The following PRKAR1B variants were observed in gnomAD, a reference collection of about 807,000 sequenced individuals.
PRKAR1B encodes the protein protein kinase cAMP-dependent type I regulatory subunit beta, also known as cAMP-dependent protein kinase type I-beta regulatory subunit.
A neutral mutation model predicts 46.5 loss-of-function variants in PRKAR1B; 22 were observed. That is an observed-to-expected ratio of 0.47 (90% confidence interval 0.34 to 0.68). The LOEUF (loss-of-function observed/expected upper bound fraction) is 0.68. Ranked by LOEUF, PRKAR1B falls within the 30% of genes least tolerant of loss-of-function variation. The pLI, the probability that PRKAR1B is intolerant of heterozygous loss-of-function variation, is 0.01. For missense variants in PRKAR1B, 445 were observed against 535.6 expected (o/e 0.83, Z 1.67); for synonymous variants, 259 against 217.7 (o/e 1.19, Z -1.67).
chr7:691,632 A>C, intron 2 of PRKAR1B: 1 of 1,302,698 alleles, frequency 7.7e-7, no homozygotes, highest in African/African-American at 1.5e-5. Context: ...GCTGAATGGC[A>C]TGTGGCCTCC....
At chr7:583,272 G>A (rs1310967636) in intron 8 of PRKAR1B, among the ~76,000 whole-genome samples, 9 of 152,250 alleles carry the variant, frequency 5.9e-5, no homozygotes, top group South Asian at 2.1e-4. Flanking sequence ...TTCACAGAAG[G>A]ATTTCAGAGA....
At position 667,149 on chromosome 7, in the gene PRKAR1B, G is replaced by A. The variant is rs1176098105; in HGVS notation, c.440+10080C>T. Among the ~76,000 whole-genome samples, 2 of 116,712 alleles carry A rather than the reference G, an allele frequency of 1.7e-5. No homozygotes were observed. Among genetic ancestry groups the A allele is most frequent in the African/African-American group, 9.7e-5 (2 of 20,580 alleles). 76.6% of individuals were successfully genotyped at this position (116,712 alleles called of 152,430 possible). On this transcript the variant is annotated intron_variant, in intron 4 of 10. Coordinates refer to ENST00000537384, the MANE Select transcript of PRKAR1B (RefSeq NM_001164760.2). The surrounding 1 kb of genome is among the most constrained non-coding windows in gnomAD (Gnocchi z 4.3). ...GGTGATGAGGATGGTGGTGGTGATG[G>A]TGATGATAATGATGGTGATGATGAC...
intron 2 of PRKAR1B, 119 bp from the exon 3 acceptor site, chr7:680,845 C>T: frequency 3.4e-6 from 4 of 1,190,446 alleles, no homozygotes; most frequent in East Asian, 5.2e-5. Flanking sequence ...CGCTTGAACT[C>T]AGGAGTTGGA....
intron 4 of PRKAR1B, among the ~76,000 whole-genome samples, chr7:662,062 C>T (rs1785609495): frequency 1.1e-5 from 1 of 89,190 alleles, no homozygotes; most frequent in African/African-American, 4.7e-5. Flanking sequence ...GCACAGGTCC[C>T]CACCCCAACG....
rs963621247 is a variant in PRKAR1B, at chr7:672,442, G to A, written c.440+4787C>T. Reference sequence around the variant, plus strand: ...GTTGGGATTACAGGCATGAGCCACCGCACCCGGCCTTGTTGAACCAATTTT... The same window carrying A: ...GTTGGGATTACAGGCATGAGCCACCACACCCGGCCTTGTTGAACCAATTTT... On this transcript the variant is annotated intron_variant, in intron 4 of 10. Coordinates refer to ENST00000537384, the MANE Select transcript of PRKAR1B (RefSeq NM_001164760.2). Among the ~76,000 whole-genome samples the A allele has an allele frequency of 5.9e-5, 9 of 151,870 alleles. No individual in the cohort carries two copies. In the South Asian group the frequency reaches 6.3e-4, roughly 11 times the overall value.
chr7:718,921 G>A (rs1031158746), intron 1 of PRKAR1B, among the ~76,000 whole-genome samples: 5 of 140,876 alleles, frequency 3.5e-5, no homozygotes, highest in Non-Finnish European at 7.5e-5. Context: ...ATCCAGGCTG[G>A]AGTGCGGTGG....
chr7:673,584 G>T (rs1786409974), intron 4 of PRKAR1B, among the ~76,000 whole-genome samples: 1 of 151,230 alleles, frequency 6.6e-6, no homozygotes, highest in Non-Finnish European at 1.5e-5. Flanking sequence ...GTGAGGCAGA[G>T]CTTGCAGTGA....
chr7:633,776 A>T (rs1412182037), intron 4 of PRKAR1B, among the ~76,000 whole-genome samples: 1 of 151,988 alleles, frequency 6.6e-6, no homozygotes, highest in African/African-American at 2.4e-5. Context: ...AAAGTCGGGG[A>T]GGGGAGCAGC....
At chr7:638,814 C>G (rs535921346) in intron 4 of PRKAR1B, among the ~76,000 whole-genome samples, 1 of 152,214 alleles carries the variant, frequency 6.6e-6, no homozygotes, top group Non-Finnish European at 1.5e-5. Context: ...CGGGGGCTCA[C>G]GCCTGTAGTC....
chr7:670,791 G>T (rs897124772), intron 4 of PRKAR1B, among the ~76,000 whole-genome samples: 3 of 149,560 alleles, frequency 2.0e-5, no homozygotes, highest in Non-Finnish European at 4.5e-5. Context: ...GCTCAGGACC[G>T]AAGACGGCCT....
intron 4 of PRKAR1B, among the ~76,000 whole-genome samples, chr7:671,903 C>G (rs759507624): frequency 6.6e-6 from 1 of 152,204 alleles, no homozygotes; most frequent in Non-Finnish European, 1.5e-5. Context: ...CTGGCTCTCA[C>G]CTTTCTGCCC....
intron 4 of PRKAR1B, among the ~76,000 whole-genome samples, chr7:670,693 A>G (rs2128501293): frequency 6.6e-6 from 1 of 150,768 alleles, no homozygotes; most frequent in East Asian, 2.0e-4. Context: ...ACGGCCTCCG[A>G]GCTCCCCCAC....
chr7:662,450 A>C lies in PRKAR1B; in HGVS notation c.440+14779T>G, dbSNP rs1196998310. Among the ~76,000 whole-genome samples the C allele has an allele frequency of 1.4e-3, 93 of 66,146 alleles. 1 individual carries two copies. The highest frequency in any genetic ancestry group is 5.7e-3 in the African/African-American group (89 of 15,560). 43.4% of individuals were successfully genotyped at this position (66,146 alleles called of 152,430 possible). ...ATACCTACTCTCCCCCCAGTGCCAC[A>C]AGTTCCCCACCCCAACGGGTCCAAA... is the stretch of plus-strand genomic sequence containing the variant. On this transcript the variant is annotated intron_variant, in intron 4 of 10. Transcript: ENST00000537384.
At chr7:717,109 G>A (rs1314253738) in intron 1 of PRKAR1B, among the ~76,000 whole-genome samples, 5 of 151,930 alleles carry the variant, frequency 3.3e-5, no homozygotes, top group African/African-American at 1.2e-4. Context: ...TGGGCAACAT[G>A]GTGAAACCCC....
chr7:663,712 G>A (rs1785746198), intron 4 of PRKAR1B, among the ~76,000 whole-genome samples: 1 of 152,180 alleles, frequency 6.6e-6, no homozygotes. Flanking sequence ...CTCTCCGTGT[G>A]TCAGATCCTC....
At chr7:653,398 G>A (rs1785016642) in intron 4 of PRKAR1B, among the ~76,000 whole-genome samples, 2 of 152,190 alleles carry the variant, frequency 1.3e-5, no homozygotes, top group South Asian at 4.1e-4. Context: ...TCGTTCAGAA[G>A]GAAAGTGAGG....
chr7:696,150 T>C (rs780416334), intron 2 of PRKAR1B, among the ~76,000 whole-genome samples: 2 of 151,394 alleles, frequency 1.3e-5, no homozygotes, highest in Non-Finnish European at 2.9e-5. Flanking sequence ...ATTTTTTTAT[T>C]ATTATTTGTA....
Position 694,029 on chromosome 7 carries a change from A to C in PRKAR1B, c.178-13303T>G, listed in dbSNP as rs145616249. 2.6e-3 allele frequency among the ~76,000 whole-genome samples: 390 copies of C among 152,292 alleles called. 11 individuals are homozygous for C. The East Asian group carries it at 0.067, about 26-fold the overall frequency. ...GCCGGGCGTGGTGGCTCACGCCTGTAATCCCAGCACTTTGGGAGGCCGAGG... is the reference window on the plus strand; with the variant it reads ...GCCGGGCGTGGTGGCTCACGCCTGTCATCCCAGCACTTTGGGAGGCCGAGG... On this transcript the variant is annotated intron_variant, in intron 2 of 10. Coordinates refer to ENST00000537384, the MANE Select transcript of PRKAR1B (RefSeq NM_001164760.2).
At position 656,447 on chromosome 7, in the gene PRKAR1B, G is replaced by A. The variant is rs145015354; in HGVS notation, c.440+20782C>T. On this transcript the variant is annotated intron_variant, in intron 4 of 10. Transcript: ENST00000537384. ...TAAATGAATGGATAAGTGGGTGAAT[G>A]AATGAGTGGATAAATGAGTGAATGG... 5.5e-3 allele frequency among the ~76,000 whole-genome samples: 834 copies of A among 152,348 alleles called. 8 individuals are homozygous for A. The highest frequency in any genetic ancestry group is 0.017 in the Middle Eastern group (5 of 294).
Sources: gnomAD v4.1 joint callset for allele counts (sites outside exome capture counted in the v4.1 genomes callset) on GRCh38, gnomAD v4.1.1 for gene constraint, Gnocchi (gnomAD v3.1) non-coding constraint, MANE v1.5 for transcripts, NCBI Gene and HGNC (gene_info 2026-07-23, HGNC 2026-07-21) for gene names.